RXFP1: variants seen among roughly 807,000 people sequenced by gnomAD.
RXFP1 encodes the protein relaxin family peptide receptor 1.
Under a neutral mutation model 89.8 loss-of-function variants are expected in RXFP1, and 73 were observed. The ratio of observed to expected loss-of-function variants is 0.81; its 90% CI spans 0.67 to 0.99. The LOEUF (loss-of-function observed/expected upper bound fraction) is 0.99, where lower values mean the gene tolerates loss of function less well. Ranked by LOEUF, RXFP1 falls within the 50% of genes least tolerant of loss-of-function variation. RXFP1 has a pLI of 0.00. For synonymous variants in RXFP1, 277 were observed against 305.5 expected, an observed-to-expected ratio of 0.91 and a Z score of 0.97; for missense variants, 793 against 895.5, an observed-to-expected ratio of 0.89 and a Z score of 1.46.
intron 12 of RXFP1, among the ~76,000 whole-genome samples, chr4:158,636,839 T>G (rs1382654906): frequency 3.3e-5 from 5 of 152,246 alleles, no homozygotes; most frequent in African/African-American, 4.8e-5. Context: ...ACACAATAGA[T>G]GTCTTGAACT....
intron 16 of RXFP1, 106 bp downstream of exon 16, chr4:158,647,307 T>C (rs1299340302): frequency 4.5e-6 from 4 of 893,822 alleles, no homozygotes; most frequent in East Asian, 2.6e-5. Flanking sequence ...CCAGCAAGGA[T>C]TTTCCTCCCC....
intron 2 of RXFP1, among the ~76,000 whole-genome samples, chr4:158,587,180 G>T (rs1360015772): frequency 6.6e-6 from 1 of 152,164 alleles, no homozygotes; most frequent in African/African-American, 2.4e-5. Context: ...CTGGTAGGCT[G>T]CAAGGTCGAA....
chr4:158,540,087 G>A (rs890543859), intron 1 of RXFP1, among the ~76,000 whole-genome samples: 6 of 152,090 alleles, frequency 3.9e-5, no homozygotes, highest in Non-Finnish European at 8.8e-5. Flanking sequence ...AGCAGAAAGG[G>A]GTCCCGATCT....
At chr4:158,645,260 T>C in intron 15 of RXFP1, 122 bp downstream of exon 15, 1 of 694,010 alleles carries the variant, frequency 1.4e-6, no homozygotes, top group East Asian at 2.7e-5. Flanking sequence ...TTTTTGCTTG[T>C]ATGCTGTTTT....
intron 1 of RXFP1, among the ~76,000 whole-genome samples, chr4:158,561,626 C>CTTTTTTTTTTTTTTTTTTT (rs70962615): frequency 8.9e-6 from 1 of 112,620 alleles, no homozygotes; most frequent in Non-Finnish European, 1.8e-5. Context: ...TTCTTTTTTT[C>CTTTTTTTTTTTTTTTTTTT]TTTTTTTTTT....
intron 11 of RXFP1, among the ~76,000 whole-genome samples, chr4:158,631,509 ATGTTATATGTGCTATATG>A (rs1290680798): frequency 1.3e-5 from 2 of 152,122 alleles, no homozygotes; most frequent in African/African-American, 2.4e-5. Flanking sequence ...TTGTAGTATG[ATGTTATATGTGCTATATG>A]TGTTATATGT....
intron 8 of RXFP1, among the ~76,000 whole-genome samples, chr4:158,613,342 AT>A: frequency 6.6e-6 from 1 of 152,214 alleles, no homozygotes; most frequent in Non-Finnish European, 1.5e-5. Context: ...TTCATGAAAG[AT>A]TTCTCTATGG....
rs758584346 is a variant in RXFP1, at chr4:158,644,981, T to C, written c.1188T>C (p.Ile396=). The change falls in exon 15 of 18, where the codon ATT becomes ATC. Residue 396 remains isoleucine (I), a synonymous_variant. Coordinates refer to ENST00000307765, the MANE Select transcript of RXFP1 (RefSeq NM_021634.4). The stretch of plus-strand genomic sequence containing the variant: ...GCTGTAAACCAAACACTGATGGAAT[T>C]TCATCTCTAGAGAATCTCTTGGCAA... ...VRSCKPNTDG[I]SSLENLLASI... The C allele has an allele frequency of 6.2e-7, 1 of 1,614,190 alleles. No individual in the cohort carries two copies. The highest frequency in any genetic ancestry group is 8.5e-7 in the Non-Finnish European group (1 of 1,180,022).
chr4:158,629,933 T>C (rs769926109), intron 11 of RXFP1, among the ~76,000 whole-genome samples: 1 of 152,134 alleles, frequency 6.6e-6, no homozygotes, highest in Admixed American at 6.6e-5. Flanking sequence ...GTAGTATCCA[T>C]CTTCTGGAAA....
intron 4 of RXFP1, among the ~76,000 whole-genome samples, chr4:158,602,815 G>A (rs531785310): frequency 1.4e-4 from 21 of 152,254 alleles, no homozygotes; most frequent in East Asian, 1.2e-3. Context: ...GCGCAGTGGC[G>A]CGATCTTGGC....
intron 2 of RXFP1, among the ~76,000 whole-genome samples, chr4:158,590,591 C>A (rs1759246492): frequency 6.6e-6 from 1 of 152,206 alleles, no homozygotes; most frequent in South Asian, 2.1e-4. Context: ...CTAACAGACA[C>A]ATCATTCCAG....
At position 158,552,761 on chromosome 4, in the gene RXFP1, A is replaced by G. The variant is rs78448197; in HGVS notation, c.50-19937A>G. 9.8e-3 allele frequency among the ~76,000 whole-genome samples: 1,496 copies of G among 152,362 alleles called. 24 individuals carry two copies. The highest frequency in any genetic ancestry group is 0.033 in the African/African-American group (1,383 of 41,586). On this transcript the variant is annotated intron_variant, in intron 1 of 17. Transcript: ENST00000307765. ...CAAGAGTCTGTGATAAATTTTTAGG[A>G]CAAAAATGCCCTCAAAGGGCCCTAC...
intron 2 of RXFP1, among the ~76,000 whole-genome samples, chr4:158,590,043 C>A (rs549944008): frequency 6.6e-6 from 1 of 151,988 alleles, no homozygotes; most frequent in Non-Finnish European, 1.5e-5. Flanking sequence ...CAGAGTGAGA[C>A]CCTGTCTCAA....
chr4:158,630,082 C>G (rs1160789642), intron 11 of RXFP1, among the ~76,000 whole-genome samples: 1 of 152,122 alleles, frequency 6.6e-6, no homozygotes, highest in Non-Finnish European at 1.5e-5. Flanking sequence ...CTTGGGCACT[C>G]AAGAAGTTAC....
At chr4:158,577,655 C>T (rs542667406) in intron 2 of RXFP1, among the ~76,000 whole-genome samples, 48 of 151,784 alleles carry the variant, frequency 3.2e-4, no homozygotes, top group Non-Finnish European at 4.9e-4. Flanking sequence ...TAAACCTTGA[C>T]ACTAATAATA....
At chr4:158,549,344 C>T (rs1749456487) in intron 1 of RXFP1, among the ~76,000 whole-genome samples, 1 of 152,136 alleles carries the variant, frequency 6.6e-6, no homozygotes, top group African/African-American at 2.4e-5. Flanking sequence ...TTCTAGTTAT[C>T]CATTCATCTA....
intron 3 of RXFP1, among the ~76,000 whole-genome samples, chr4:158,594,072 A>G (rs954230046): frequency 5.9e-5 from 9 of 152,222 alleles, no homozygotes; most frequent in East Asian, 5.8e-4. Flanking sequence ...AAATTTTGTC[A>G]GTTCTAATAC....
intron 2 of RXFP1, among the ~76,000 whole-genome samples, chr4:158,583,032 T>A (rs1472110943): frequency 6.6e-6 from 1 of 152,212 alleles, no homozygotes; most frequent in Non-Finnish European, 1.5e-5. Context: ...AGTGGTTAAT[T>A]CTAGCTGCCT....
rs1424709736 is a variant in RXFP1 at position 158,542,103 on chromosome 4, ATATATATTTT to A, written c.49+20080_49+20089del. On this transcript the variant is annotated intron_variant, in intron 1 of 17. Coordinates refer to ENST00000307765, the MANE Select transcript of RXFP1 (RefSeq NM_021634.4). Reference sequence around the variant, plus strand: ...GCTATATATATATATATATATATATATATATATTTTTTTTTTAGTAGAGACAGGGTTTCAC... The same window carrying A: ...GCTATATATATATATATATATATATATTTTTTAGTAGAGACAGGGTTTCAC... Among the ~76,000 whole-genome samples the A allele has an allele frequency of 1.9e-4, 8 of 41,606 alleles. 2 individuals are homozygous for A. The highest frequency in any genetic ancestry group is 5.4e-4 in the African/African-American group (8 of 14,832). 27.3% of individuals were successfully genotyped at this position (41,606 alleles called of 152,430 possible).
Sources: allele counts gnomAD v4.1 joint callset (sites outside exome capture counted in the v4.1 genomes callset), GRCh38; gene constraint gnomAD v4.1.1; transcripts MANE v1.5; gene names NCBI Gene and HGNC (gene_info 2026-07-23, HGNC 2026-07-21).